KCNQ3: variants seen among roughly 807,000 people sequenced by gnomAD.
KCNQ3 encodes potassium voltage-gated channel subfamily KQT member 3.
Under a neutral mutation model 92.5 loss-of-function variants are expected in KCNQ3, and 30 were observed. The ratio of observed to expected loss-of-function variants is 0.32; its 90% CI spans 0.24 to 0.44. The LOEUF is 0.44. KCNQ3 is among the 20% of genes least tolerant of loss of function. The probability of loss-of-function intolerance (pLI) is 1.00; values close to 1 mark genes in which losing one functional copy is unlikely to be tolerated. For synonymous variants in KCNQ3, 450 were observed against 468.8 expected, an observed-to-expected ratio of 0.96 and a Z score of 0.52; for missense variants, 913 against 1,140.3, an observed-to-expected ratio of 0.80 and a Z score of 2.87.
At chr8:132,202,978 A>T (rs80198501) in intron 1 of KCNQ3, among the ~76,000 whole-genome samples, 3 of 18,492 alleles carry the variant, frequency 1.6e-4, no homozygotes, top group Non-Finnish European at 3.0e-4. Flanking sequence ...AATTTATTTT[A>T]AAAAAAATTG....
At chr8:132,311,250 T>C (rs184161994) in intron 1 of KCNQ3, among the ~76,000 whole-genome samples, 34 of 152,332 alleles carry the variant, frequency 2.2e-4, no homozygotes, top group Non-Finnish European at 4.7e-4. Flanking sequence ...CAACGTTTAT[T>C]GAACAGCTAC....
At chr8:132,180,110 G>A in intron 4 of KCNQ3, 47 bp downstream of exon 4, 2 of 1,600,118 alleles carry the variant, frequency 1.2e-6, no homozygotes, top group Non-Finnish European at 1.7e-6. Context: ...AAGGGCATAG[G>A]TGGGTGGGAA....
At chr8:132,163,384 C>T (rs944626378) in intron 9 of KCNQ3, 84 bp downstream of exon 9, 2 of 1,155,442 alleles carry the variant, frequency 1.7e-6, no homozygotes. Flanking sequence ...GCATGACCTC[C>T]CATGGGGCCC....
intron 1 of KCNQ3, among the ~76,000 whole-genome samples, chr8:132,192,387 T>A (rs1827186590): frequency 6.6e-6 from 1 of 152,194 alleles, no homozygotes; most frequent in African/African-American, 2.4e-5. Flanking sequence ...CCTTAACATA[T>A]GAACTTAATT....
chr8:132,470,282 GTGTGT>G (rs1472802083), intron 1 of KCNQ3, among the ~76,000 whole-genome samples: 1 of 152,204 alleles, frequency 6.6e-6, no homozygotes, highest in African/African-American at 2.4e-5. Context: ...GTGTGTTTGT[GTGTGT>G]TGAGTCTTCT....
chr8:132,299,035 T>C (rs933587755), intron 1 of KCNQ3, among the ~76,000 whole-genome samples: 4 of 152,126 alleles, frequency 2.6e-5, no homozygotes, highest in African/African-American at 4.8e-5. Flanking sequence ...AGTCTGTCTC[T>C]TATTCTGCTA....
At chr8:132,245,913 T>A (rs979770426) in intron 1 of KCNQ3, among the ~76,000 whole-genome samples, 1 of 152,214 alleles carries the variant, frequency 6.6e-6, no homozygotes, top group Non-Finnish European at 1.5e-5. Flanking sequence ...AGCAGTCCTT[T>A]AATTTAGCAG....
At chr8:132,367,945 G>C (rs146752171) in intron 1 of KCNQ3, among the ~76,000 whole-genome samples, 1 of 152,242 alleles carries the variant, frequency 6.6e-6, no homozygotes, top group Admixed American at 6.5e-5. Flanking sequence ...CAAATATTTT[G>C]ACATTCAGCT....
At chr8:132,356,959 C>T (rs916609055) in intron 1 of KCNQ3, among the ~76,000 whole-genome samples, 6 of 152,094 alleles carry the variant, frequency 3.9e-5, no homozygotes, top group Non-Finnish European at 7.4e-5. Flanking sequence ...TGAGGTTTTA[C>T]AGTCACGTGG....
chr8:132,434,221 A>AT (rs1821330456), intron 1 of KCNQ3, among the ~76,000 whole-genome samples: 9 of 150,886 alleles, frequency 6.0e-5, no homozygotes, highest in Admixed American at 1.3e-4. Flanking sequence ...AAAAAAAAAA[A>AT]AAAAAATAAT....
rs768462698 is a variant in KCNQ3, at chr8:132,129,312, C to G, written c.2569G>C (p.Gly857Arg). The G allele has an allele frequency of 1.2e-6, 2 of 1,614,076 alleles. No individual in the cohort carries two copies. Among genetic ancestry groups the G allele is most frequent in the Non-Finnish European group, 1.7e-6 (2 of 1,180,038 alleles). Residue 857 changes from glycine to arginine, a missense_variant, in exon 15 of 15, where the codon GGG (glycine) becomes CGG (arginine). Physicochemically the swap from Gly to Arg is moderately radical, Grantham distance 125. This residue lies in a region of KCNQ3 where 375 missense variants were observed against 376.4 expected (regional missense o/e 1.00). Transcript: ENST00000388996. This position sits in a 1 kb window ranked among gnomAD's most constrained non-coding sequence, Gnocchi z 5.9. ...PSGSMPLSST[G>R]DGISDSVWTP... ...CATACTGAATCAGAAATCCCATCCCCTGTGGACGACAGAGGCATGGAGCCG... is the reference window on the plus strand; with the variant it reads ...CATACTGAATCAGAAATCCCATCCCGTGTGGACGACAGAGGCATGGAGCCG...
In KCNQ3 at chr8:132,169,688, C is replaced by A. The variant is rs1043250594; in HGVS notation, c.1235+646G>T. Among the ~76,000 whole-genome samples the A allele has an allele frequency of 5.9e-5, 9 of 152,232 alleles. No homozygotes were observed. In the East Asian group the frequency reaches 1.7e-3, roughly 29 times the overall value. On this transcript the variant is annotated intron_variant, in intron 8 of 14. Transcript: ENST00000388996. ...GATCCTGCTCACACATTGATCGGAC[C>A]TTTCCTTATCAGCTACTCCATGCCA...
intron 1 of KCNQ3, among the ~76,000 whole-genome samples, chr8:132,409,998 GT>G (rs969506047): frequency 6.6e-6 from 1 of 152,140 alleles, no homozygotes; most frequent in African/African-American, 2.4e-5. Context: ...GCATGGTGGT[GT>G]GCACCTGTAG....
At chr8:132,421,068 G>C (rs1403645407) in intron 1 of KCNQ3, among the ~76,000 whole-genome samples, 1 of 152,192 alleles carries the variant, frequency 6.6e-6, no homozygotes, top group Non-Finnish European at 1.5e-5. Context: ...GGGCAGAGGT[G>C]AATGTTTAAA....
At chr8:132,153,432 A>G (rs894340351) in intron 9 of KCNQ3, among the ~76,000 whole-genome samples, 14 of 152,194 alleles carry the variant, frequency 9.2e-5, no homozygotes, top group African/African-American at 3.4e-4. Flanking sequence ...TAAGGAGTCC[A>G]TGCAACCCCC....
intron 1 of KCNQ3, among the ~76,000 whole-genome samples, chr8:132,307,730 G>T (rs545785590): frequency 6.6e-6 from 1 of 152,202 alleles, no homozygotes; most frequent in Non-Finnish European, 1.5e-5. Context: ...GCTTAGCCTT[G>T]AGGCAAATGC....
chr8:132,376,617 C>T (rs2130747191), intron 1 of KCNQ3, among the ~76,000 whole-genome samples: 1 of 152,370 alleles, frequency 6.6e-6, no homozygotes, highest in East Asian at 1.9e-4. Flanking sequence ...TGTCCAGACA[C>T]TTAAGAGGTT....
intron 9 of KCNQ3, among the ~76,000 whole-genome samples, chr8:132,163,185 C>T (rs1346492035): frequency 6.6e-6 from 1 of 152,206 alleles, no homozygotes; most frequent in African/African-American, 2.4e-5. Flanking sequence ...TAGGGCCTAT[C>T]TTACATTGTG....
Position 132,479,949 on chromosome 8 carries a change from AAC to A in KCNQ3, c.386+196_386+197del, listed in dbSNP as rs371967111. Among the ~76,000 whole-genome samples the A allele has an allele frequency of 0.13, 18,252 of 136,966 alleles. 1,200 individuals are homozygous for A. The highest frequency in any genetic ancestry group is 0.2 in the East Asian group (845 of 4,160). The allele number at this position is 136,966 out of a possible 152,430, so 89.9% of individuals were successfully genotyped here. A position where few individuals can be genotyped will look rare whatever the true frequency, so the allele number is the denominator to read the frequency against. On this transcript the variant is annotated intron_variant, in intron 1 of 14. Coordinates refer to ENST00000388996, the MANE Select transcript of KCNQ3 (RefSeq NM_004519.4). ...TAGTGTGGAACACCCGGAGAGCGGCAACACACACACACACACACACACACACA... is the reference window on the plus strand; with the variant it reads ...TAGTGTGGAACACCCGGAGAGCGGCAACACACACACACACACACACACACA...
Sources: gnomAD v4.1 joint callset for allele counts (sites outside exome capture counted in the v4.1 genomes callset) on GRCh38, gnomAD v4.1.1 for gene constraint, gnomAD v4.1.1 regional missense constraint, Gnocchi (gnomAD v3.1) non-coding constraint, MANE v1.5 for transcripts, NCBI Gene and HGNC (gene_info 2026-07-23, HGNC 2026-07-21) for gene names.